The following SGCZ variants were observed in gnomAD, a reference collection of about 807,000 sequenced individuals.
SGCZ encodes sarcoglycan zeta, also known as zeta-sarcoglycan.
A neutral mutation model predicts 41.3 loss-of-function variants in SGCZ; 40 were observed. The observed-to-expected ratio is 0.97, with a 90% CI of 0.75 to 1.26. The LOEUF is 1.26. Among genes scored for constraint, SGCZ ranks in the 50% most tolerant of loss-of-function variants. The pLI, the probability that SGCZ is intolerant of heterozygous loss-of-function variation, is 0.00. For synonymous variants in SGCZ, 206 were observed against 137.5 expected, an observed-to-expected ratio of 1.50 and a Z score of -3.49; for missense variants, 552 against 369.8, an observed-to-expected ratio of 1.49 and a Z score of -4.04.
intron 2 of SGCZ, among the ~76,000 whole-genome samples, chr8:14,542,142 C>A (rs1349309046): frequency 6.6e-6 from 1 of 152,052 alleles, no homozygotes; most frequent in African/African-American, 2.4e-5. Flanking sequence ...TTAATTAGAT[C>A]ACATTTGTCA....
intron 1 of SGCZ, among the ~76,000 whole-genome samples, chr8:15,180,979 G>C (rs1190687332): frequency 6.6e-6 from 1 of 151,696 alleles, no homozygotes; most frequent in Non-Finnish European, 1.5e-5. Flanking sequence ...AAATAGATAT[G>C]CCCAAATGAA....
At chr8:14,847,955 T>A (rs115354660) in intron 1 of SGCZ, among the ~76,000 whole-genome samples, 1 of 152,164 alleles carries the variant, frequency 6.6e-6, no homozygotes, top group African/African-American at 2.4e-5. Context: ...AAAGATGTCA[T>A]TATTCATAGA....
intron 1 of SGCZ, among the ~76,000 whole-genome samples, chr8:15,081,990 T>G (rs989919625): frequency 4.6e-5 from 7 of 152,206 alleles, no homozygotes; most frequent in African/African-American, 1.7e-4. Flanking sequence ...TATTCACGCT[T>G]CTTAACTGGA....
intron 2 of SGCZ, among the ~76,000 whole-genome samples, chr8:14,410,599 G>C (rs1799333525): frequency 6.6e-6 from 1 of 151,668 alleles, no homozygotes; most frequent in Non-Finnish European, 1.5e-5. Flanking sequence ...TCACATACTG[G>C]GGCCTGTCGT....
At chr8:14,681,202 A>G (rs1430603827) in intron 1 of SGCZ, among the ~76,000 whole-genome samples, 5 of 152,114 alleles carry the variant, frequency 3.3e-5, no homozygotes, top group Admixed American at 2.6e-4. Flanking sequence ...CTGAAAATCC[A>G]TGATTATGAG....
At chr8:14,619,937 T>C (rs1806228502) in intron 1 of SGCZ, among the ~76,000 whole-genome samples, 1 of 152,160 alleles carries the variant, frequency 6.6e-6, no homozygotes. Flanking sequence ...TGGAAAAAAC[T>C]ACTTTAAAGT....
chr8:14,769,641 A>G (rs1800163250), intron 1 of SGCZ, among the ~76,000 whole-genome samples: 1 of 151,794 alleles, frequency 6.6e-6, no homozygotes, highest in Admixed American at 6.6e-5. Context: ...AAAATACAAA[A>G]ATTAGCTGGG....
At chr8:14,820,921 C>CAA (rs79481818) in intron 1 of SGCZ, among the ~76,000 whole-genome samples, 120 of 132,632 alleles carry the variant, frequency 9.0e-4, no homozygotes, top group African/African-American at 3.0e-3. Context: ...CCTAAAGGAA[C>CAA]AAAAAAAAAA....
At chr8:14,324,763 A>C (rs1325086887) in intron 2 of SGCZ, among the ~76,000 whole-genome samples, 1 of 152,166 alleles carries the variant, frequency 6.6e-6, no homozygotes, top group Admixed American at 6.5e-5. Flanking sequence ...CAGGTACACA[A>C]ATAATGCTCA....
intron 1 of SGCZ, among the ~76,000 whole-genome samples, chr8:14,909,817 C>G (rs1374743005): frequency 2.6e-5 from 4 of 152,052 alleles, no homozygotes; most frequent in African/African-American, 9.7e-5. Flanking sequence ...AAAAGTGTCC[C>G]TCAATTCTGT....
At position 14,637,393 on chromosome 8, in the gene SGCZ, G is replaced by T. The variant is rs115544600; in HGVS notation, c.40-82467C>A. Among the ~76,000 whole-genome samples, 9 of 151,268 alleles carry T rather than the reference G, an allele frequency of 5.9e-5. No homozygotes were observed. In the South Asian group the frequency reaches 6.3e-4, roughly 11 times the overall value. On this transcript the variant is annotated intron_variant, in intron 1 of 7. Coordinates refer to ENST00000382080, the MANE Select transcript of SGCZ (RefSeq NM_139167.4). ...ACACGAGTAAATTGCGTGATGCTGC[G>T]GTTTGGAGCATGGATCCCATCACTC...
At chr8:14,532,808 A>G (rs947971879) in intron 2 of SGCZ, among the ~76,000 whole-genome samples, 18 of 151,702 alleles carry the variant, frequency 1.2e-4, no homozygotes, top group African/African-American at 4.1e-4. Context: ...AAACGTAAAG[A>G]AAGTCCCGAC....
intron 4 of SGCZ, among the ~76,000 whole-genome samples, chr8:14,195,231 G>A (rs1805229709): frequency 6.6e-6 from 1 of 151,924 alleles, no homozygotes; most frequent in Non-Finnish European, 1.5e-5. Context: ...AAAAGTCAGG[G>A]ACATGTATTA....
intron 1 of SGCZ, among the ~76,000 whole-genome samples, chr8:15,110,110 C>A (rs1806988886): frequency 6.6e-6 from 1 of 152,076 alleles, no homozygotes; most frequent in African/African-American, 2.4e-5. Context: ...AGAGTGAATT[C>A]ATAAAGCCAA....
At chr8:14,961,663 G>A (rs185649861) in intron 1 of SGCZ, among the ~76,000 whole-genome samples, 1 of 152,224 alleles carries the variant, frequency 6.6e-6, no homozygotes, top group African/African-American at 2.4e-5. Context: ...TGCAGTTTCA[G>A]CCATCTACTA....
intron 1 of SGCZ, among the ~76,000 whole-genome samples, chr8:14,839,360 A>G (rs1057463024): frequency 1.3e-5 from 2 of 152,186 alleles, no homozygotes; most frequent in African/African-American, 4.8e-5. Flanking sequence ...TTGTGTGGGC[A>G]TACATGAGAA....
chr8:15,092,824 G>T (rs1028864690), intron 1 of SGCZ, among the ~76,000 whole-genome samples: 1 of 152,126 alleles, frequency 6.6e-6, no homozygotes, highest in Non-Finnish European at 1.5e-5. Flanking sequence ...CATTGTCTGG[G>T]CTTCTTGAGA....
intron 1 of SGCZ, among the ~76,000 whole-genome samples, chr8:14,640,176 G>C (rs1203695812): frequency 2.7e-5 from 4 of 150,750 alleles, no homozygotes; most frequent in Non-Finnish European, 4.4e-5. Context: ...GGGAAGAATA[G>C]TAAAAGCAAT....
chr8:14,836,733 C>G (rs1238338910), intron 1 of SGCZ, among the ~76,000 whole-genome samples: 1 of 152,156 alleles, frequency 6.6e-6, no homozygotes, highest in African/African-American at 2.4e-5. Flanking sequence ...ACTCCTTGAG[C>G]TCAAGCAATC....
Sources: allele counts gnomAD v4.1 joint callset (sites outside exome capture counted in the v4.1 genomes callset), GRCh38; gene constraint gnomAD v4.1.1; transcripts MANE v1.5; gene names NCBI Gene and HGNC (gene_info 2026-07-23, HGNC 2026-07-21).